The following KMO variants were observed in gnomAD, a reference collection of about 807,000 sequenced individuals.
The protein encoded by KMO is kynurenine 3-hydroxylase.
KMO carries 24 observed loss-of-function variants against 57.8 expected under a neutral mutation model. That is an observed-to-expected ratio of 0.42 (90% CI 0.30 to 0.58). The LOEUF (loss-of-function observed/expected upper bound fraction) is 0.58. KMO is among the 20% of genes least tolerant of loss of function. KMO has a pLI of 0.22. For synonymous variants in KMO, 210 were observed against 193.6 expected (o/e 1.08, Z -0.70); for missense variants, 483 against 588.2 (o/e 0.82, Z 1.85).
intron 4 of KMO, among the ~76,000 whole-genome samples, chr1:241,554,227 TTTCC>T (rs59290477): frequency 0.14 from 18,310 of 131,910 alleles, 1,435 homozygotes; most frequent in Admixed American, 0.22. Flanking sequence ...AATACTTTTC[TTTCC>T]TTCCTTCCTT....
intron 4 of KMO, among the ~76,000 whole-genome samples, chr1:241,554,378 G>A (rs1426425829): frequency 2.6e-5 from 4 of 151,692 alleles, no homozygotes; most frequent in East Asian, 4.0e-4. Flanking sequence ...TAGGCCTCTC[G>A]GGTTCAAGCA....
At chr1:241,580,622 G>A (rs938659716) in intron 10 of KMO, among the ~76,000 whole-genome samples, 3 of 151,958 alleles carry the variant, frequency 2.0e-5, no homozygotes, top group African/African-American at 7.3e-5. Context: ...TCATTCAGGA[G>A]CATATTGTTT....
In KMO at chr1:241,593,516, T is replaced by C. The variant is rs1428577526; in HGVS notation, c.*1363T>C. The C allele has an allele frequency of 3.5e-6, 1 of 287,588 alleles. No individual in the cohort carries two copies. The highest frequency in any genetic ancestry group is 8.0e-6 in the Non-Finnish European group (1 of 125,746). The allele number at this position is 287,588 out of a possible 1,614,324, so 17.8% of individuals were successfully genotyped here. On this transcript the variant is annotated 3_prime_UTR_variant, in exon 15 of 15. Coordinates refer to ENST00000366559, the MANE Select transcript of KMO (RefSeq NM_003679.5). ...GAAAACCTTGAGTTCTAATAATCCA[T>C]GTTCAGTTTGTAGGGAAAGAAAAAA...
At chr1:241,561,277 A>T (rs77497137) in intron 6 of KMO, among the ~76,000 whole-genome samples, 2 of 152,208 alleles carry the variant, frequency 1.3e-5, no homozygotes, top group East Asian at 3.8e-4. Context: ...CTTCTCATCA[A>T]ACATCCTTGC....
At chr1:241,562,436 T>G in intron 7 of KMO, 104 bp downstream of exon 7, 1 of 1,137,622 alleles carries the variant, frequency 8.8e-7, no homozygotes, top group African/African-American at 1.5e-5. Context: ...TGATCCATTT[T>G]GAGGCCTATC....
intron 5 of KMO, 108 bp from the exon 6 acceptor site, chr1:241,560,557 A>T: frequency 1.3e-6 from 1 of 761,170 alleles, no homozygotes; most frequent in Non-Finnish European, 2.3e-6. Flanking sequence ...TGTTATGAAT[A>T]AAATTCTCTA....
intron 10 of KMO, among the ~76,000 whole-genome samples, chr1:241,572,625 A>G (rs1662345611): frequency 6.6e-6 from 1 of 151,772 alleles, no homozygotes; most frequent in South Asian, 2.1e-4. Flanking sequence ...TATTGAGATT[A>G]TTTTCTTTTT....
In KMO at chr1:241,568,655, CT is replaced by C. The variant is rs562958557; in HGVS notation, c.957+13del. The C allele has an allele frequency of 1.7e-4, 281 of 1,612,422 alleles. No homozygotes were observed. In the African/African-American group the frequency reaches 3.4e-3, roughly 20 times the overall value. Reference sequence around the variant, plus strand: ...GGGCAAGGAATGAATGCGGTAAGTTCTTTTTCCCTAGGTAAGTCCCTCAAAT... The same window carrying C: ...GGGCAAGGAATGAATGCGGTAAGTTCTTTTCCCTAGGTAAGTCCCTCAAAT... On this transcript the variant is annotated intron_variant, in intron 10 of 14. Coordinates refer to ENST00000366559, the MANE Select transcript of KMO (RefSeq NM_003679.5).
intron 7 of KMO, among the ~76,000 whole-genome samples, chr1:241,563,484 A>C (rs1173345382): frequency 1.3e-5 from 2 of 152,064 alleles, no homozygotes; most frequent in East Asian, 3.9e-4. Flanking sequence ...TTCACATTTC[A>C]TTACCTTTCT....
chr1:241,535,508 T>G (rs1158876717), intron 1 of KMO, among the ~76,000 whole-genome samples: 4 of 152,226 alleles, frequency 2.6e-5, no homozygotes, highest in African/African-American at 9.6e-5. Flanking sequence ...AGTGATCATC[T>G]GATATTGGGT....
At chr1:241,541,227 G>A (rs1471694000) in intron 1 of KMO, among the ~76,000 whole-genome samples, 1 of 152,126 alleles carries the variant, frequency 6.6e-6, no homozygotes, top group South Asian at 2.1e-4. Flanking sequence ...TGCTGTGAGA[G>A]AGACTGAAGA....
At chr1:241,567,217 A>T (rs1019094396) in intron 9 of KMO, among the ~76,000 whole-genome samples, 5 of 152,204 alleles carry the variant, frequency 3.3e-5, no homozygotes, top group South Asian at 2.1e-4. Context: ...AGTGAGCCAT[A>T]ATAAAACTAC....
chr1:241,574,040 G>T (rs1377377112), intron 10 of KMO, among the ~76,000 whole-genome samples: 3 of 151,938 alleles, frequency 2.0e-5, no homozygotes, highest in African/African-American at 7.2e-5. Context: ...GTGATAAAAG[G>T]GAGTAAGCTC....
At chr1:241,551,568 C>T (rs1424534362) in intron 4 of KMO, among the ~76,000 whole-genome samples, 1 of 152,132 alleles carries the variant, frequency 6.6e-6, no homozygotes, top group South Asian at 2.1e-4. Context: ...ACTCATTATC[C>T]TGCTCTGTGC....
rs764767688 is a variant in KMO at position 241,560,653 on chromosome 1, C to G, written c.362-12C>G. 6.3e-7 allele frequency: 1 copy of G among 1,588,572 alleles called. No homozygotes were observed. Among genetic ancestry groups the G allele is most frequent in the Non-Finnish European group, 8.6e-7 (1 of 1,156,884 alleles). ...ATTTCATTTCTGTTTGCCTCTTTCT[C>G]CATTTCCTCAGCTGCTGAGAAATAC... is the stretch of plus-strand genomic sequence containing the variant. On this transcript the variant is annotated splice_polypyrimidine_tract_variant and intron_variant, in intron 5 of 14. Transcript: ENST00000366559.
At chr1:241,588,574 A>G (rs1663112714) in intron 11 of KMO, among the ~76,000 whole-genome samples, 174 bp from the exon 12 acceptor site, 1 of 150,970 alleles carries the variant, frequency 6.6e-6, no homozygotes, top group African/African-American at 2.4e-5. Context: ...TCACAACAGG[A>G]AATGCTCTGT....
intron 7 of KMO, among the ~76,000 whole-genome samples, chr1:241,562,537 GGAGTGAAAAAGAAAGGA>G (rs527331419): frequency 1.6e-3 from 236 of 152,242 alleles, no homozygotes; most frequent in African/African-American, 5.6e-3. Flanking sequence ...TATGCTTTCT[GGAGTGAAAAAGAAAGGA>G]GCAGTCTGGG....
rs893444316 is a variant in KMO at position 241,547,681 on chromosome 1, C to T, written c.55-1148C>T. Among the ~76,000 whole-genome samples, 10 of 152,190 alleles carry T rather than the reference C, an allele frequency of 6.6e-5. No individual in the cohort carries two copies. In the East Asian group the frequency reaches 1.5e-3, roughly 23 times the overall value. On this transcript the variant is annotated intron_variant, in intron 1 of 14. Coordinates refer to ENST00000366559, the MANE Select transcript of KMO (RefSeq NM_003679.5). ...ACTTACCAGCTCCCACCCTCCCACT[C>T]CACAATAATGAAAAGTTTGAGAACA...
Position 241,594,084 on chromosome 1 carries a change from A to T in KMO, c.*1931A>T. 1 of 249,166 alleles carries T rather than the reference A, an allele frequency of 4.0e-6. No homozygotes were observed. The highest frequency in any genetic ancestry group is 9.8e-5 in the East Asian group (1 of 10,228). 15.4% of individuals were successfully genotyped at this position (249,166 alleles called of 1,614,324 possible). Reference sequence around the variant, plus strand: ...GTACGCGACAGTTATTTTTACAGTAAGGTATTTTCGAGAAAAATGCATTAC... The same window carrying T: ...GTACGCGACAGTTATTTTTACAGTATGGTATTTTCGAGAAAAATGCATTAC... On this transcript the variant is annotated 3_prime_UTR_variant, in exon 15 of 15. Coordinates refer to ENST00000366559, the MANE Select transcript of KMO (RefSeq NM_003679.5).
Sources: allele counts gnomAD v4.1 joint callset (sites outside exome capture counted in the v4.1 genomes callset), GRCh38; gene constraint gnomAD v4.1.1; transcripts MANE v1.5; gene names NCBI Gene and HGNC (gene_info 2026-07-23, HGNC 2026-07-21).